The following SMG7 variants were observed in gnomAD, a reference collection of about 807,000 sequenced individuals.
SMG7 encodes the protein nonsense-mediated mRNA decay factor SMG7.
Under a neutral mutation model 148.2 loss-of-function variants are expected in SMG7, and 34 were observed. The ratio of observed to expected loss-of-function variants is 0.23; its 90% CI spans 0.17 to 0.31. The LOEUF (loss-of-function observed/expected upper bound fraction) is 0.31. Among genes scored for constraint, SMG7 ranks in the 10% least tolerant of loss-of-function variants. SMG7 has a pLI of 1.00. For missense variants in SMG7, 1,114 were observed against 1,408.4 expected, an observed-to-expected ratio of 0.79 and a Z score of 3.35; for synonymous variants, 492 against 515.1, an observed-to-expected ratio of 0.96 and a Z score of 0.61.
At position 183,551,066 on chromosome 1, in the gene SMG7, A is replaced by C; in HGVS notation, c.3326A>C (p.Asp1109Ala). 1 of 1,613,902 alleles carries C rather than the reference A, an allele frequency of 6.2e-7. No individual in the cohort carries two copies. The highest frequency in any genetic ancestry group is 8.5e-7 in the Non-Finnish European group (1 of 1,179,930). ...DKPAMGGFGIDYLSATSSSES... is the reference protein window; with the variant it reads ...DKPAMGGFGIAYLSATSSSES... Reference sequence around the variant, plus strand: ...TTAGCCATGGGTGGGTTTGGCATTGATTATCTCTCAGCAACGTCATCCTCT... The same window carrying C: ...TTAGCCATGGGTGGGTTTGGCATTGCTTATCTCTCAGCAACGTCATCCTCT... Residue 1109 changes from aspartate to alanine, a missense_variant, in exon 22 of 23, where the codon GAT (aspartate) becomes GCT (alanine). Asp to Ala is a moderately radical substitution (Grantham distance 126). This residue lies in a region of SMG7 where 788 missense variants were observed against 894.5 expected (regional missense o/e 0.88). Transcript: ENST00000688051.
chr1:183,499,279 C>G (rs546331358), intron 1 of SMG7, among the ~76,000 whole-genome samples: 1 of 152,234 alleles, frequency 6.6e-6, no homozygotes, highest in African/African-American at 2.4e-5. Flanking sequence ...GAATAAATAC[C>G]TAGAGTCATA....
At chr1:183,526,962 T>TA (rs1665993011) in intron 5 of SMG7, among the ~76,000 whole-genome samples, 195 bp downstream of exon 5, 1 of 152,238 alleles carries the variant, frequency 6.6e-6, no homozygotes, top group South Asian at 2.1e-4. Context: ...GTGAAGAAAG[T>TA]AACTTTCATA....
intron 1 of SMG7, among the ~76,000 whole-genome samples, chr1:183,486,416 C>T (rs1655426958): frequency 6.6e-6 from 1 of 151,894 alleles, no homozygotes; most frequent in African/African-American, 2.4e-5. Flanking sequence ...TGTCACAGGC[C>T]TTTTTTTTGT....
At position 183,546,191 on chromosome 1, in the gene SMG7, G is replaced by C; in HGVS notation, c.2596G>C (p.Val866Leu). ...PYNHNPSEVKVPEFYWDSSYS... is the reference protein window; with the variant it reads ...PYNHNPSEVKLPEFYWDSSYS... ...TAACCATAATCCCTCAGAAGTCAAG[G>C]TCCCAGAATTCTACTGGGATTCTTC... The change falls in exon 17 of 23, where the codon GTC becomes CTC. Residue 866 changes from valine (V) to leucine (L), a missense_variant. Around this residue, in one of 4 missense-constraint regions of SMG7, gnomAD observed 788 missense variants for 894.5 expected, o/e 0.88. Transcript: ENST00000688051. 6.2e-7 allele frequency: 1 copy of C among 1,613,974 alleles called. No homozygotes were observed. The highest frequency in any genetic ancestry group is 8.5e-7 in the Non-Finnish European group (1 of 1,179,974).
rs1240382345 is a variant in SMG7 at position 183,472,533 on chromosome 1, C to T, written c.-88C>T. 9 of 1,292,336 alleles carry T rather than the reference C, an allele frequency of 7.0e-6. No individual in the cohort carries two copies. The highest frequency in any genetic ancestry group is 3.3e-5 in the Admixed American group (1 of 29,868). 80.1% of individuals were successfully genotyped at this position (1,292,336 alleles called of 1,614,324 possible). A position where few individuals can be genotyped will look rare whatever the true frequency, so the allele number is the denominator to read the frequency against. On this transcript the variant is annotated 5_prime_UTR_variant, in exon 1 of 23. Coordinates refer to ENST00000688051, the MANE Select transcript of SMG7 (RefSeq NM_001375584.1). ...GAGGAGAGGAAGATGGCGGCGGCCG[C>T]CAGCACCCGCGGTGCCGCGGGGCCG... is the stretch of plus-strand genomic sequence containing the variant.
chr1:183,526,159 T>A (rs1038069306), intron 4 of SMG7, among the ~76,000 whole-genome samples: 134 of 149,540 alleles, frequency 9.0e-4, no homozygotes, highest in South Asian at 4.4e-3. Context: ...TATATATATT[T>A]TTTTTTTTGG....
At chr1:183,533,089 A>G in intron 8 of SMG7, 75 bp from the exon 9 acceptor site, 1 of 1,252,194 alleles carries the variant, frequency 8.0e-7, no homozygotes, top group East Asian at 2.3e-5. Context: ...AATGCAGACT[A>G]CCAGTTTAAT....
At chr1:183,487,913 A>G (rs1655897263) in intron 1 of SMG7, among the ~76,000 whole-genome samples, 3 of 152,260 alleles carry the variant, frequency 2.0e-5, no homozygotes, top group African/African-American at 4.8e-5. Context: ...GAGAGAACAT[A>G]TAAGTACAGT....
chr1:183,482,063 C>T (rs996918822), intron 1 of SMG7, among the ~76,000 whole-genome samples: 2 of 152,110 alleles, frequency 1.3e-5, no homozygotes, highest in Admixed American at 1.3e-4. Flanking sequence ...GTAAATGCCT[C>T]AGTGCAGTGT....
chr1:183,492,463 T>G (rs1002804989), intron 1 of SMG7, among the ~76,000 whole-genome samples: 1 of 152,202 alleles, frequency 6.6e-6, no homozygotes, highest in Non-Finnish European at 1.5e-5. Flanking sequence ...ACCACAACTC[T>G]CTAGTAAGTT....
At chr1:183,534,314 G>C in intron 10 of SMG7, among the ~76,000 whole-genome samples, 1 of 152,094 alleles carries the variant, frequency 6.6e-6, no homozygotes, top group East Asian at 1.9e-4. Context: ...CATTTTCTCT[G>C]TCATCTCTAC....
intron 19 of SMG7, 62 bp from the exon 20 acceptor site, chr1:183,549,702 T>C (rs1670624057): frequency 7.2e-7 from 1 of 1,387,230 alleles, no homozygotes; most frequent in East Asian, 2.3e-5. Context: ...GAACAAGACA[T>C]TGGATTTTCT....
intron 16 of SMG7, 31 bp from the exon 17 acceptor site, chr1:183,545,935 C>G (rs778776365): frequency 6.5e-7 from 1 of 1,545,476 alleles, no homozygotes; most frequent in Non-Finnish European, 8.7e-7. Flanking sequence ...GCATTTTATC[C>G]TCACCTTTAT....
rs1046398285 is a variant in SMG7, at chr1:183,533,692, C to G, written c.1023C>G (p.Ile341Met). The G allele has an allele frequency of 1.2e-6, 2 of 1,601,774 alleles. No individual in the cohort carries two copies. Among genetic ancestry groups the G allele is most frequent in the Non-Finnish European group, 1.7e-6 (2 of 1,175,258 alleles). Reference protein sequence around the residue: ...LLALFMSFLGILCKCPLQNES... With the variant: ...LLALFMSFLGMLCKCPLQNES... The stretch of plus-strand genomic sequence containing the variant: ...TTTTTCAAGTGTCTTTTCTTGGCAT[C>G]CTGTGCAAGTGTCCTCTACAGAATG... The change falls in exon 10 of 23, where the codon ATC becomes ATG. Residue 341 changes from isoleucine to methionine, a missense_variant. Around this residue, in one of 4 missense-constraint regions of SMG7, gnomAD observed 102 missense variants for 147.2 expected, o/e 0.69. Transcript: ENST00000688051.
In SMG7 at chr1:183,551,098, A is replaced by C; in HGVS notation, c.3358A>C (p.Ser1120Arg). The C allele has an allele frequency of 6.2e-7, 1 of 1,613,480 alleles. No individual in the cohort carries two copies. The highest frequency in any genetic ancestry group is 1.7e-4 in the Middle Eastern group (1 of 6,052). Residue 1120 changes from serine (S) to arginine (R), a missense_variant, in exon 22 of 23, where the codon AGT becomes CGT. Ser to Arg is a moderately radical substitution (Grantham distance 110, BLOSUM62 -1). This residue lies in a region of SMG7 where 788 missense variants were observed against 894.5 expected (regional missense o/e 0.88). Coordinates refer to ENST00000688051, the MANE Select transcript of SMG7 (RefSeq NM_001375584.1). ...YLSATSSSES[S>R]WHQASTPSGT... Reference sequence around the variant, plus strand: ...CTCAGCAACGTCATCCTCTGAGAGCAGTTGGCATCAGGCCAGCACTCCGAG... The same window carrying C: ...CTCAGCAACGTCATCCTCTGAGAGCCGTTGGCATCAGGCCAGCACTCCGAG...
intron 12 of SMG7, among the ~76,000 whole-genome samples, chr1:183,540,605 T>C (rs1668647873): frequency 6.6e-6 from 1 of 152,150 alleles, no homozygotes; most frequent in Admixed American, 6.5e-5. Flanking sequence ...CCTCAGAGAC[T>C]CTTAGCATTG....
intron 4 of SMG7, among the ~76,000 whole-genome samples, chr1:183,519,219 A>G (rs1318088653): frequency 1.3e-5 from 2 of 152,190 alleles, no homozygotes; most frequent in African/African-American, 4.8e-5. Flanking sequence ...TGTTGGAACA[A>G]TTCAGATAAC....
chr1:183,549,101 G>T, intron 18 of SMG7, 107 bp from the exon 19 acceptor site: 1 of 768,812 alleles, frequency 1.3e-6, no homozygotes, highest in Non-Finnish European at 2.2e-6. Flanking sequence ...ATTGTACTCA[G>T]TGGGCGAATA....
chr1:183,540,544 G>C (rs1414596966), intron 12 of SMG7, among the ~76,000 whole-genome samples: 1 of 151,810 alleles, frequency 6.6e-6, no homozygotes, highest in Non-Finnish European at 1.5e-5. Context: ...TTCTGATTTA[G>C]AATGGTCCAC....
Sources: gnomAD v4.1 joint callset for allele counts (sites outside exome capture counted in the v4.1 genomes callset) on GRCh38, gnomAD v4.1.1 for gene constraint, gnomAD v4.1.1 regional missense constraint, MANE v1.5 for transcripts, NCBI Gene and HGNC (gene_info 2026-07-23, HGNC 2026-07-21) for gene names.